SNTB2: variants seen among roughly 807,000 people sequenced by gnomAD.
SNTB2 encodes the protein beta-2-syntrophin.
A neutral mutation model predicts 46.2 loss-of-function variants in SNTB2; 34 were observed. The ratio of observed to expected loss-of-function variants is 0.74; its 90% CI spans 0.56 to 0.98. The LOEUF (loss-of-function observed/expected upper bound fraction) is 0.98, where lower values mean the gene tolerates loss of function less well. Ranked by LOEUF, SNTB2 falls within the 50% of genes least tolerant of loss-of-function variation. The pLI is 0.00. For synonymous variants in SNTB2, 290 were observed against 312.6 expected, an observed-to-expected ratio of 0.93 and a Z score of 0.76; for missense variants, 603 against 731.4, an observed-to-expected ratio of 0.82 and a Z score of 2.02.
chr16:69,292,747 C>T (rs941793713), intron 5 of SNTB2, among the ~76,000 whole-genome samples: 1 of 151,688 alleles, frequency 6.6e-6, no homozygotes, highest in Non-Finnish European at 1.5e-5. Flanking sequence ...GCCACCACGC[C>T]CGGCCGAGTG....
At chr16:69,216,370 T>C (rs987228605) in intron 1 of SNTB2, among the ~76,000 whole-genome samples, 4 of 152,130 alleles carry the variant, frequency 2.6e-5, no homozygotes, top group Admixed American at 6.6e-5. Flanking sequence ...GGATAGGTAT[T>C]ATGATTTTAT....
At position 69,308,904 on chromosome 16, in the gene SNTB2, A is replaced by G. The variant is rs2143230621; in HGVS notation, c.*7980A>G. 1 of 152,716 alleles carries G rather than the reference A, an allele frequency of 6.5e-6. No homozygotes were observed. The highest frequency in any genetic ancestry group is 2.1e-4 in the South Asian group (1 of 4,824). The allele number at this position is 152,716 out of a possible 1,614,324, so 9.5% of individuals were successfully genotyped here. A position where few individuals can be genotyped will look rare whatever the true frequency, so the allele number is the denominator to read the frequency against. On this transcript the variant is annotated 3_prime_UTR_variant, in exon 7 of 7. Transcript: ENST00000336278. ...CTTTATGTATACTCTATAAATATAGATGCATAAACAACACTTCCCCTTGAG... is the reference window on the plus strand; with the variant it reads ...CTTTATGTATACTCTATAAATATAGGTGCATAAACAACACTTCCCCTTGAG...
rs60116168 is a variant in SNTB2, at chr16:69,219,718, ATTTTGTTTTGTTTTGTTTTG to A, written c.581-25854_581-25835del. 3.3e-4 allele frequency among the ~76,000 whole-genome samples: 47 copies of A among 140,858 alleles called. 1 individual carries two copies. Among genetic ancestry groups the A allele is most frequent in the African/African-American group, 1.1e-3 (36 of 32,678 alleles). The allele number at this position is 140,858 out of a possible 152,430, so 92.4% of individuals were successfully genotyped here. A position where few individuals can be genotyped will look rare whatever the true frequency, so the allele number is the denominator to read the frequency against. ...AGTCATAGAAACCAGATTTTATTTT[ATTTTGTTTTGTTTTGTTTTG>A]TTTTGTTTTGTTTTGTTTTGTTTTG... On this transcript the variant is annotated intron_variant, in intron 1 of 6. Coordinates refer to ENST00000336278, the MANE Select transcript of SNTB2 (RefSeq NM_006750.4).
chr16:69,214,507 CAT>C (rs1185575282), intron 1 of SNTB2, among the ~76,000 whole-genome samples: 1 of 151,652 alleles, frequency 6.6e-6, no homozygotes, highest in Admixed American at 6.6e-5. Context: ...CTCTAATAAA[CAT>C]ATATTTTATA....
At chr16:69,258,912 C>T (rs768421146) in intron 2 of SNTB2, among the ~76,000 whole-genome samples, 9 of 151,938 alleles carry the variant, frequency 5.9e-5, no homozygotes, top group Non-Finnish European at 1.0e-4. Flanking sequence ...CATGCCTGGC[C>T]GCTAATTTTC....
chr16:69,202,868 G>A (rs574345237), intron 1 of SNTB2, among the ~76,000 whole-genome samples: 3 of 151,952 alleles, frequency 2.0e-5, no homozygotes, highest in Non-Finnish European at 2.9e-5. Context: ...GACCCAGCAC[G>A]CCTGGCCACA....
intron 5 of SNTB2, among the ~76,000 whole-genome samples, chr16:69,299,066 C>T (rs1274373616): frequency 1.3e-5 from 2 of 151,996 alleles, no homozygotes; most frequent in Admixed American, 6.6e-5. Context: ...AGTGGGTACT[C>T]GAGGAATTAA....
intron 1 of SNTB2, among the ~76,000 whole-genome samples, chr16:69,220,154 ATTTTTTTTT>A (rs889068336): frequency 1.0e-4 from 10 of 97,554 alleles, no homozygotes; most frequent in East Asian, 8.0e-4. Context: ...AGAAAGTCAG[ATTTTTTTTT>A]TTTTTTTTTT....
intron 2 of SNTB2, among the ~76,000 whole-genome samples, chr16:69,259,691 C>T (rs1235426537): frequency 7.9e-5 from 12 of 150,974 alleles, no homozygotes; most frequent in Admixed American, 6.6e-5. Context: ...GCAACCTCCG[C>T]CTCCTGGGGT....
chr16:69,265,855 A>G (rs1964879442), intron 3 of SNTB2, among the ~76,000 whole-genome samples: 1 of 151,864 alleles, frequency 6.6e-6, no homozygotes, highest in Non-Finnish European at 1.5e-5. Context: ...AAAAGAAATA[A>G]AATTTGGAGA....
At chr16:69,290,099 A>G (rs1169885130) in intron 5 of SNTB2, among the ~76,000 whole-genome samples, 1 of 152,172 alleles carries the variant, frequency 6.6e-6, no homozygotes, top group African/African-American at 2.4e-5. Flanking sequence ...TAATCTTCCT[A>G]ATGTTCATTT....
intron 3 of SNTB2, among the ~76,000 whole-genome samples, chr16:69,266,649 C>T (rs1022152129): frequency 2.0e-5 from 3 of 152,100 alleles, no homozygotes; most frequent in Non-Finnish European, 2.9e-5. Flanking sequence ...TTAGGTTTTC[C>T]AAATGCTTAT....
At chr16:69,300,530 G>C (rs899327961) in intron 6 of SNTB2, among the ~76,000 whole-genome samples, 1 of 152,182 alleles carries the variant, frequency 6.6e-6, no homozygotes, top group Admixed American at 6.5e-5. Flanking sequence ...GATTATGGGC[G>C]TGAGCCACCG....
At chr16:69,188,235 T>C (rs1042563440) in intron 1 of SNTB2, among the ~76,000 whole-genome samples, 1 of 152,140 alleles carries the variant, frequency 6.6e-6, no homozygotes, top group African/African-American at 2.4e-5. Flanking sequence ...TAACCCATCA[T>C]TGGCTCTCAA....
intron 5 of SNTB2, among the ~76,000 whole-genome samples, chr16:69,299,046 A>G (rs548655867): frequency 5.9e-5 from 9 of 152,242 alleles, no homozygotes; most frequent in Non-Finnish European, 1.3e-4. Context: ...ACTTGCCAGT[A>G]TGAGTGTTCA....
At chr16:69,264,522 G>A (rs1452911570) in intron 3 of SNTB2, among the ~76,000 whole-genome samples, 1 of 152,062 alleles carries the variant, frequency 6.6e-6, no homozygotes, top group Non-Finnish European at 1.5e-5. Flanking sequence ...AATAAACAAC[G>A]GTTATTTGGT....
chr16:69,292,713 A>G (rs1965185570), intron 5 of SNTB2, among the ~76,000 whole-genome samples: 1 of 149,390 alleles, frequency 6.7e-6, no homozygotes, highest in African/African-American at 2.5e-5. Flanking sequence ...TCGGCCTCCC[A>G]AAGTGCTGGG....
At chr16:69,229,627 C>T (rs565333972) in intron 1 of SNTB2, among the ~76,000 whole-genome samples, 4 of 150,946 alleles carry the variant, frequency 2.6e-5, no homozygotes, top group African/African-American at 9.7e-5. Flanking sequence ...ATCACGAGGT[C>T]AAGAGATTGA....
At chr16:69,187,773 G>GGGGC in intron 1 of SNTB2, 27 bp downstream of exon 1, 3 of 331,852 alleles carry the variant, frequency 9.0e-6, no homozygotes, top group Non-Finnish European at 1.7e-5. Context: ...GGGAGGGTGG[G>GGGGC]CAGGCCGCGG....
Sources: gnomAD v4.1 joint callset for allele counts (sites outside exome capture counted in the v4.1 genomes callset) on GRCh38, gnomAD v4.1.1 for gene constraint, MANE v1.5 for transcripts, NCBI Gene and HGNC (gene_info 2026-07-23, HGNC 2026-07-21) for gene names.